SORCS1: variants seen among roughly 807,000 people sequenced by gnomAD.
SORCS1 encodes the protein sortilin related VPS10 domain containing receptor 1, also known as VPS10 domain-containing receptor SorCS1.
A neutral mutation model predicts 146.1 loss-of-function variants in SORCS1; 60 were observed. The ratio of observed to expected loss-of-function variants is 0.41; its 90% CI spans 0.33 to 0.51. The LOEUF (loss-of-function observed/expected upper bound fraction) is 0.51, where lower values mean the gene tolerates loss of function less well. Among genes scored for constraint, SORCS1 ranks in the 20% least tolerant of loss-of-function variants. The pLI is 0.21. For missense variants in SORCS1, 1,352 were observed against 1,487.6 expected (o/e 0.91, Z 1.50); for synonymous variants, 637 against 584.0 (o/e 1.09, Z -1.31).
intron 5 of SORCS1, among the ~76,000 whole-genome samples, 183 bp from the exon 6 acceptor site, chr10:106,730,297 T>A (rs1856501448): frequency 6.6e-6 from 1 of 152,122 alleles, no homozygotes; most frequent in Non-Finnish European, 1.5e-5. Flanking sequence ...AAAATAAAAA[T>A]GATAATGAAA....
chr10:106,950,718 A>G (rs1772195915), intron 2 of SORCS1, among the ~76,000 whole-genome samples: 1 of 152,162 alleles, frequency 6.6e-6, no homozygotes, highest in African/African-American at 2.4e-5. Context: ...ACCAGAAGGC[A>G]GAGCTCTGGA....
At chr10:107,177,648 T>G in the SORCS1 span, among the ~76,000 whole-genome samples, 1 of 152,222 alleles carries the variant, frequency 6.6e-6, no homozygotes, top group African/African-American at 2.4e-5. Flanking sequence ...ATGGTAGATG[T>G]GAGATTTTGA....
intron 2 of SORCS1, among the ~76,000 whole-genome samples, chr10:106,899,862 T>G (rs1046473519): frequency 6.6e-6 from 1 of 152,110 alleles, no homozygotes; most frequent in African/African-American, 2.4e-5. Context: ...CAGGGTTACA[T>G]GTAAATAGCA....
At chr10:106,609,478 A>G (rs1298745222) in intron 22 of SORCS1, among the ~76,000 whole-genome samples, 1 of 152,236 alleles carries the variant, frequency 6.6e-6, no homozygotes, top group Non-Finnish European at 1.5e-5. Flanking sequence ...AGGGTTTATT[A>G]GTGTACACTT....
chr10:106,950,881 C>G (rs1954643005), intron 2 of SORCS1, among the ~76,000 whole-genome samples: 1 of 152,092 alleles, frequency 6.6e-6, no homozygotes, highest in African/African-American at 2.4e-5. Context: ...GCCAGACACA[C>G]AGTGAATACC....
chr10:106,821,138 T>C (rs1174480170), intron 3 of SORCS1, among the ~76,000 whole-genome samples: 2 of 152,234 alleles, frequency 1.3e-5, no homozygotes, highest in East Asian at 3.8e-4. Flanking sequence ...TTTGAGAATT[T>C]CTGATCACTT....
intron 1 of SORCS1, among the ~76,000 whole-genome samples, chr10:107,013,875 T>G (rs769954463): frequency 6.6e-6 from 1 of 152,170 alleles, no homozygotes; most frequent in Non-Finnish European, 1.5e-5. Context: ...AAGTGACTCT[T>G]GACTCTAGTT....
the SORCS1 span, among the ~76,000 whole-genome samples, chr10:107,177,964 C>T: frequency 6.6e-6 from 1 of 151,834 alleles, no homozygotes; most frequent in Non-Finnish European, 1.5e-5. Flanking sequence ...AACACATGGA[C>T]ACATGGAGGG....
intron 1 of SORCS1, among the ~76,000 whole-genome samples, chr10:107,127,156 G>T (rs938251573): frequency 2.0e-5 from 3 of 152,120 alleles, no homozygotes; most frequent in Non-Finnish European, 4.4e-5. Flanking sequence ...GGCTTTTCAA[G>T]GAGGTTTGCT....
chr10:106,986,093 T>A (rs929762352), intron 1 of SORCS1, among the ~76,000 whole-genome samples: 1 of 152,156 alleles, frequency 6.6e-6, no homozygotes, highest in African/African-American at 2.4e-5. Flanking sequence ...TGTGGAACAA[T>A]GAATACTATG....
intron 3 of SORCS1, among the ~76,000 whole-genome samples, chr10:106,815,687 C>G (rs1298538952): frequency 6.6e-6 from 1 of 152,096 alleles, no homozygotes; most frequent in African/African-American, 2.4e-5. Flanking sequence ...TGCTATGGCT[C>G]TCGGGAATTT....
chr10:106,630,375 T>C (rs1848372047), intron 18 of SORCS1, among the ~76,000 whole-genome samples: 1 of 152,216 alleles, frequency 6.6e-6, no homozygotes, highest in Admixed American at 6.5e-5. Flanking sequence ...TCTCCCACTT[T>C]ACAGAGGAAG....
chr10:106,936,350 T>G (rs1007917242), intron 2 of SORCS1, among the ~76,000 whole-genome samples: 3 of 152,170 alleles, frequency 2.0e-5, no homozygotes, highest in Admixed American at 1.3e-4. Flanking sequence ...AAAACTGAGA[T>G]GAAATGCAGT....
At chr10:106,634,294 A>T (rs547828188) in intron 18 of SORCS1, among the ~76,000 whole-genome samples, 74 of 152,348 alleles carry the variant, frequency 4.9e-4, no homozygotes, top group Middle Eastern at 3.4e-3. Context: ...ACACCTGCGA[A>T]TGATCCTTTT....
At chr10:106,911,394 T>G (rs1952144544) in intron 2 of SORCS1, among the ~76,000 whole-genome samples, 1 of 152,190 alleles carries the variant, frequency 6.6e-6, no homozygotes, top group Non-Finnish European at 1.5e-5. Flanking sequence ...AACACCACCC[T>G]CGTGTCCACT....
chr10:106,647,121 A>T (rs1200812646), intron 18 of SORCS1, among the ~76,000 whole-genome samples: 2 of 149,126 alleles, frequency 1.3e-5, no homozygotes, highest in Non-Finnish European at 3.0e-5. Context: ...ATTTTGTGTA[A>T]ATTTTGTGAT....
At position 106,579,461 on chromosome 10, in the gene SORCS1, G is replaced by A. The variant is rs150447595; in HGVS notation, c.3279C>T (p.Asp1093=). 3.4e-4 allele frequency: 543 copies of A among 1,613,770 alleles called. 1 individual carries two copies. The highest frequency in any genetic ancestry group is 1.3e-3 in the Middle Eastern group (8 of 6,054). ...CAGATCCACTGTGGGTTGGAGTGAG[G>A]TCCACCAGGGGGGCTTGTGGGGGAA... The part of the protein sequence containing the change: ...AAHLTAAPLV[D]LTPTHSGSAM... The change falls in exon 25 of 26, where the codon GAC becomes GAT. Residue 1093 remains aspartate, a synonymous_variant. Coordinates refer to ENST00000263054, the MANE Select transcript of SORCS1 (RefSeq NM_052918.5).
intron 1 of SORCS1, among the ~76,000 whole-genome samples, chr10:107,125,896 C>T (rs1048215922): frequency 2.0e-5 from 3 of 152,154 alleles, no homozygotes; most frequent in Non-Finnish European, 4.4e-5. Flanking sequence ...GGAAATGCTT[C>T]AGGTCCCAGA....
intron 1 of SORCS1, among the ~76,000 whole-genome samples, chr10:107,070,825 A>G (rs988310193): frequency 6.6e-6 from 1 of 152,188 alleles, no homozygotes; most frequent in Non-Finnish European, 1.5e-5. Flanking sequence ...ATTCATGTAC[A>G]CAGACACACA....
Sources: gnomAD v4.1 joint callset for allele counts (sites outside exome capture counted in the v4.1 genomes callset) on GRCh38, gnomAD v4.1.1 for gene constraint, MANE v1.5 for transcripts, NCBI Gene and HGNC (gene_info 2026-07-23, HGNC 2026-07-21) for gene names.